TBCA: variants seen among roughly 807,000 people sequenced by gnomAD.
TBCA encodes tubulin folding cofactor A.
A neutral mutation model predicts 15.8 loss-of-function variants in TBCA; 6 were observed. That is an observed-to-expected ratio of 0.38 (90% confidence interval 0.21 to 0.75). TBCA has a LOEUF of 0.75. TBCA is among the 30% of genes least tolerant of loss of function. The probability of loss-of-function intolerance (pLI) is 0.46; values close to 1 mark genes in which losing one functional copy is unlikely to be tolerated. For synonymous variants in TBCA, 32 were observed against 42.3 expected (o/e 0.76, Z 0.94); for missense variants, 90 against 131.2 (o/e 0.69, Z 1.53).
intron 2 of TBCA, among the ~76,000 whole-genome samples, chr5:77,706,318 T>G (rs1746147897): frequency 6.6e-6 from 1 of 152,212 alleles, no homozygotes; most frequent in South Asian, 2.1e-4. Context: ...ACACTAGATT[T>G]TAAGTAGAAG....
intron 2 of TBCA, among the ~76,000 whole-genome samples, chr5:77,704,017 G>T (rs550011665): frequency 1.3e-5 from 2 of 152,266 alleles, no homozygotes; most frequent in Admixed American, 6.5e-5. Flanking sequence ...TGAAGAAGGT[G>T]CTTGCTTCCC....
intron 1 of TBCA, among the ~76,000 whole-genome samples, chr5:77,734,275 T>A (rs1746842693): frequency 6.6e-6 from 1 of 152,238 alleles, no homozygotes; most frequent in Non-Finnish European, 1.5e-5. Context: ...ATTTAAGAAA[T>A]ACATTTTGTA....
chr5:77,764,033 C>G (rs142234408), intron 1 of TBCA, among the ~76,000 whole-genome samples: 14 of 152,236 alleles, frequency 9.2e-5, no homozygotes, highest in African/African-American at 3.4e-4. Context: ...TGGAGTATTA[C>G]ACAACCATCA....
chr5:77,716,137 T>A (rs1240173700), intron 1 of TBCA, among the ~76,000 whole-genome samples: 1 of 152,176 alleles, frequency 6.6e-6, no homozygotes, highest in Non-Finnish European at 1.5e-5. Flanking sequence ...ACAATGTTTT[T>A]AAAAGAGTCA....
chr5:77,718,751 A>T (rs969889725), intron 1 of TBCA, among the ~76,000 whole-genome samples: 3 of 152,218 alleles, frequency 2.0e-5, no homozygotes, highest in African/African-American at 7.2e-5. Context: ...CTTAAAATAA[A>T]ACAAAAGTGT....
Position 77,765,844 on chromosome 5 carries a change from C to T in TBCA, c.53+10361G>A, listed in dbSNP as rs528173477. 2.2e-5 allele frequency among the ~76,000 whole-genome samples: 3 copies of T among 138,380 alleles called. No homozygotes were observed. In the South Asian group the frequency reaches 7.0e-4, roughly 32 times the overall value. The allele number at this position is 138,380 out of a possible 152,430, so 90.8% of individuals were successfully genotyped here. ...TCTAGGGGCCATATATAACAATGTA[C>T]ATTGTGGCACCATTTGTACAAGTGA... On this transcript the variant is annotated intron_variant, in intron 1 of 3. Coordinates refer to ENST00000380377, the MANE Select transcript of TBCA (RefSeq NM_004607.3).
intron 3 of TBCA, 180 bp downstream of exon 3, chr5:77,693,086 G>T: frequency 6.9e-7 from 1 of 1,458,754 alleles, no homozygotes; most frequent in Non-Finnish European, 9.0e-7. Context: ...ACTTTTACTG[G>T]AGGCATAATT....
Position 77,739,866 on chromosome 5 carries a change from G to A in TBCA, c.54-31519C>T, listed in dbSNP as rs74856301. Among the ~76,000 whole-genome samples, 578 of 152,264 alleles carry A rather than the reference G, an allele frequency of 3.8e-3. 4 individuals are homozygous for A. The highest frequency in any genetic ancestry group is 0.012 in the African/African-American group (487 of 41,556). On this transcript the variant is annotated intron_variant, in intron 1 of 3. Transcript: ENST00000380377. ...AGAATACAACATCAACATTTAAAAT[G>A]TATTTCATAACCACAACTCTTCAGT...
At chr5:77,768,967 C>G (rs1747843837) in intron 1 of TBCA, among the ~76,000 whole-genome samples, 1 of 152,154 alleles carries the variant, frequency 6.6e-6, no homozygotes, top group Admixed American at 6.5e-5. Context: ...ACAAAACACC[C>G]ATACACATAC....
At chr5:77,735,801 A>C (rs1329040937) in intron 1 of TBCA, among the ~76,000 whole-genome samples, 1 of 152,194 alleles carries the variant, frequency 6.6e-6, no homozygotes, top group African/African-American at 2.4e-5. Context: ...CTTTACCTAC[A>C]TGCGAAATGG....
At chr5:77,776,174 G>A (rs1312484228) in intron 1 of TBCA, 31 bp downstream of exon 1, 1 of 1,552,348 alleles carries the variant, frequency 6.4e-7, no homozygotes, top group Admixed American at 1.9e-5. Flanking sequence ...TGACGAAGAG[G>A]AGGTGCAGGG....
rs151161128 is a variant in TBCA at position 77,735,976 on chromosome 5, C to T, written c.54-27629G>A. On this transcript the variant is annotated intron_variant, in intron 1 of 3. Coordinates refer to ENST00000380377, the MANE Select transcript of TBCA (RefSeq NM_004607.3). ...CCTTAAGTAAACAATGACTGGGTAACCCCTTACTATGTAGCACTTAACTAG... is the reference window on the plus strand; with the variant it reads ...CCTTAAGTAAACAATGACTGGGTAATCCCTTACTATGTAGCACTTAACTAG... Among the ~76,000 whole-genome samples the T allele has an allele frequency of 7.2e-3, 1,099 of 152,228 alleles. 6 individuals are homozygous for T. The highest frequency in any genetic ancestry group is 0.025 in the African/African-American group (1,028 of 41,536).
chr5:77,702,017 T>C (rs559209111), intron 2 of TBCA, among the ~76,000 whole-genome samples: 8 of 151,848 alleles, frequency 5.3e-5, no homozygotes, highest in Admixed American at 2.6e-4. Context: ...AATGACACAA[T>C]AGACCTTGGG....
chr5:77,742,555 G>A (rs1747067063), intron 1 of TBCA, among the ~76,000 whole-genome samples: 1 of 152,210 alleles, frequency 6.6e-6, no homozygotes, highest in African/African-American at 2.4e-5. Context: ...ATTTGTAGAA[G>A]GCCCTTAATG....
intron 1 of TBCA, among the ~76,000 whole-genome samples, chr5:77,775,362 A>T (rs254417): frequency 0.85 from 129,556 of 152,124 alleles, 55,702 homozygotes; most frequent in Non-Finnish European, 0.92. Flanking sequence ...ATGCCCCCCA[A>T]CCTTCTAGTT....
chr5:77,766,308 T>G (rs1747775740), intron 1 of TBCA, among the ~76,000 whole-genome samples: 3 of 152,122 alleles, frequency 2.0e-5, no homozygotes, highest in Non-Finnish European at 2.9e-5. Context: ...TTTTCCACAA[T>G]AGACTAGTCT....
intron 1 of TBCA, among the ~76,000 whole-genome samples, chr5:77,730,021 A>G (rs571896311): frequency 6.6e-6 from 1 of 152,304 alleles, no homozygotes; most frequent in East Asian, 1.9e-4. Context: ...AGTCAGAATG[A>G]TTAAACTGAA....
chr5:77,764,465 TGGGGTAACTAATTTGG>T (rs983255954), intron 1 of TBCA, among the ~76,000 whole-genome samples: 1 of 152,206 alleles, frequency 6.6e-6, no homozygotes, highest in African/African-American at 2.4e-5. Context: ...AAAATACTAC[TGGGGTAACTAATTTGG>T]ATTCATTCCT....
intron 1 of TBCA, among the ~76,000 whole-genome samples, chr5:77,760,935 G>A (rs1747611036): frequency 7.1e-6 from 1 of 139,922 alleles, no homozygotes; most frequent in East Asian, 2.1e-4. Context: ...TCTGGGAAGG[G>A]AGGAGCACCT....
Sources: allele counts gnomAD v4.1 joint callset (sites outside exome capture counted in the v4.1 genomes callset), GRCh38; gene constraint gnomAD v4.1.1; transcripts MANE v1.5; gene names NCBI Gene and HGNC (gene_info 2026-07-23, HGNC 2026-07-21).